PTPN12: variants seen among roughly 807,000 people sequenced by gnomAD.
The protein encoded by PTPN12 is tyrosine-protein phosphatase non-receptor type 12.
Under a neutral mutation model 97.6 loss-of-function variants are expected in PTPN12, and 29 were observed. That is an observed-to-expected ratio of 0.30 (90% confidence interval 0.22 to 0.41). PTPN12 has a LOEUF of 0.41. Among genes scored for constraint, PTPN12 ranks in the 10% least tolerant of loss-of-function variants. The probability of loss-of-function intolerance (pLI) is 1.00; values close to 1 mark genes in which losing one functional copy is unlikely to be tolerated. For missense variants in PTPN12, 819 were observed against 926.0 expected, an observed-to-expected ratio of 0.88 and a Z score of 1.50; for synonymous variants, 327 against 300.4, an observed-to-expected ratio of 1.09 and a Z score of -0.91.
chr7:77,616,972 G>A (rs1349303267), intron 11 of PTPN12, among the ~76,000 whole-genome samples: 2 of 152,092 alleles, frequency 1.3e-5, no homozygotes, highest in Admixed American at 1.3e-4. Context: ...AGTAGAGACA[G>A]GGTTTCACTA....
At chr7:77,613,527 T>A (rs1788645230) in intron 11 of PTPN12, among the ~76,000 whole-genome samples, 1 of 152,058 alleles carries the variant, frequency 6.6e-6, no homozygotes, top group Admixed American at 6.5e-5. Context: ...AATTCAAGAT[T>A]AATTTCAAAG....
intron 6 of PTPN12, among the ~76,000 whole-genome samples, chr7:77,595,873 G>C (rs1446325084): frequency 6.6e-6 from 1 of 152,148 alleles, no homozygotes; most frequent in Non-Finnish European, 1.5e-5. Context: ...GTGATAGACT[G>C]ATGTAGATTA....
At chr7:77,538,796 C>G (rs1806804933) in intron 1 of PTPN12, 1 of 151,712 alleles carries the variant, frequency 6.6e-6, no homozygotes, top group Non-Finnish European at 1.5e-5. Flanking sequence ...GCGGTGGTTG[C>G]GGCTGCTGCT....
intron 9 of PTPN12, among the ~76,000 whole-genome samples, chr7:77,609,354 C>T (rs1162248650): frequency 6.7e-6 from 1 of 149,042 alleles, no homozygotes; most frequent in East Asian, 2.1e-4. Context: ...TCACTGCAAC[C>T]TCTGACTCTC....
chr7:77,586,167 T>A (rs185536263), intron 5 of PTPN12, among the ~76,000 whole-genome samples: 1 of 152,194 alleles, frequency 6.6e-6, no homozygotes, highest in African/African-American at 2.4e-5. Flanking sequence ...TTGGCCAGGC[T>A]GGTTTCGAAC....
At chr7:77,538,124 G>A (rs1806754439) in intron 1 of PTPN12, 3 of 987,754 alleles carry the variant, frequency 3.0e-6, no homozygotes, top group Non-Finnish European at 3.6e-6. Context: ...CTAACTCCTG[G>A]GATCCCTTTG....
chr7:77,597,416 C>T (rs567890179), intron 6 of PTPN12, among the ~76,000 whole-genome samples: 13 of 152,346 alleles, frequency 8.5e-5, no homozygotes, highest in African/African-American at 1.7e-4. Flanking sequence ...AGCCACTGCT[C>T]CCAGCTCAGA....
At chr7:77,612,388 C>G (rs1195654286) in intron 11 of PTPN12, among the ~76,000 whole-genome samples, 1 of 152,188 alleles carries the variant, frequency 6.6e-6, no homozygotes, top group African/African-American at 2.4e-5. Context: ...ATGACATGCT[C>G]TGAATCTAGC....
intron 13 of PTPN12, 98 bp from the exon 14 acceptor site, chr7:77,632,250 A>G: frequency 1.1e-6 from 1 of 915,876 alleles, no homozygotes; most frequent in East Asian, 2.4e-5. Flanking sequence ...AAACTGATCT[A>G]GATATTTGTG....
chr7:77,592,163 AAT>A lies in PTPN12; in HGVS notation c.421-21_421-20del. ...GAAAAACTTACATGAATTACTTACTAATTTTTTTTTTTGGATGACAGAAAAAA... is the reference window on the plus strand; with the variant it reads ...GAAAAACTTACATGAATTACTTACTATTTTTTTTTTGGATGACAGAAAAAA... On this transcript the variant is annotated intron_variant, in intron 5 of 17. Transcript: ENST00000248594. 1 of 1,558,648 alleles carries A rather than the reference AAT, an allele frequency of 6.4e-7. No homozygotes were observed. The highest frequency in any genetic ancestry group is 8.7e-7 in the Non-Finnish European group (1 of 1,143,672).
chr7:77,579,733 A>G (rs958377589), intron 2 of PTPN12, among the ~76,000 whole-genome samples: 1 of 152,230 alleles, frequency 6.6e-6, no homozygotes, highest in Admixed American at 6.5e-5. Flanking sequence ...TTTTCTTTTT[A>G]CATAGATCTC....
chr7:77,627,696 A>G (rs1431527394), intron 13 of PTPN12, 21 bp downstream of exon 13: 6 of 1,520,316 alleles, frequency 3.9e-6, no homozygotes, highest in Non-Finnish European at 5.3e-6. Flanking sequence ...AGTGTCAAAT[A>G]CTTAAATGTC....
intron 1 of PTPN12, among the ~76,000 whole-genome samples, chr7:77,559,174 G>A (rs1026515952): frequency 2.0e-5 from 3 of 152,190 alleles, no homozygotes; most frequent in African/African-American, 4.8e-5. Context: ...TGTGGACAAC[G>A]TTTCACACAT....
At chr7:77,633,608 C>CAA (rs113736018) in intron 14 of PTPN12, among the ~76,000 whole-genome samples, 2 of 133,088 alleles carry the variant, frequency 1.5e-5, no homozygotes, top group African/African-American at 5.6e-5. Flanking sequence ...GACTCCATCT[C>CAA]AAAAAAAAAA....
At chr7:77,570,182 A>C (rs1808414897) in intron 1 of PTPN12, among the ~76,000 whole-genome samples, 1 of 152,178 alleles carries the variant, frequency 6.6e-6, no homozygotes, top group African/African-American at 2.4e-5. Context: ...GTGATGATAA[A>C]ATTTAGTCGT....
intron 1 of PTPN12, among the ~76,000 whole-genome samples, chr7:77,542,502 A>G (rs1181590829): frequency 2.0e-5 from 3 of 152,226 alleles, no homozygotes; most frequent in Non-Finnish European, 1.5e-5. Context: ...CTGTTGAAAT[A>G]TAAGAAGTGA....
chr7:77,569,104 A>G (rs1313608682), intron 1 of PTPN12, among the ~76,000 whole-genome samples: 1 of 152,152 alleles, frequency 6.6e-6, no homozygotes, highest in Non-Finnish European at 1.5e-5. Flanking sequence ...ACATAATAGT[A>G]ATGTCTCATT....
chr7:77,540,276 C>T (rs1584079214), intron 1 of PTPN12, among the ~76,000 whole-genome samples: 2 of 147,560 alleles, frequency 1.4e-5, no homozygotes, highest in East Asian at 4.0e-4. Flanking sequence ...CTCGCTGTGT[C>T]GCCCAGGTTG....
chr7:77,545,186 G>T (rs1289491799), intron 1 of PTPN12, among the ~76,000 whole-genome samples: 1 of 152,094 alleles, frequency 6.6e-6, no homozygotes, highest in East Asian at 1.9e-4. Context: ...CATGTCATCG[G>T]TATCTCTTCA....
Sources: allele counts gnomAD v4.1 joint callset (sites outside exome capture counted in the v4.1 genomes callset), GRCh38; gene constraint gnomAD v4.1.1; transcripts MANE v1.5; gene names NCBI Gene and HGNC (gene_info 2026-07-23, HGNC 2026-07-21).